Variants in PLEC observed in about 807,000 individuals in gnomAD.
PLEC encodes hemidesmosomal protein 1.
PLEC carries 216 observed loss-of-function variants against 392.8 expected under a neutral mutation model. The observed-to-expected ratio is 0.55, with a 90% CI of 0.49 to 0.62. The LOEUF (loss-of-function observed/expected upper bound fraction) is 0.62. Ranked by LOEUF, PLEC falls within the 20% of genes least tolerant of loss-of-function variation. PLEC has a pLI of 0.00. For synonymous variants in PLEC, 3,621 were observed against 2,980.6 expected (o/e 1.21, Z -7.00); for missense variants, 6,863 against 6,563.4 (o/e 1.05, Z -1.58).
Position 143,924,304 on chromosome 8 carries a change from G to A in PLEC, c.5625C>T (p.Phe1875=), listed in dbSNP as rs541366603. 5 of 1,595,020 alleles carry A rather than the reference G, an allele frequency of 3.1e-6. No homozygotes were observed. In the African/African-American group the frequency reaches 4.0e-5, roughly 13 times the overall value. Residue 1875 remains phenylalanine, a synonymous_variant, in exon 31 of 32, where the codon TTC becomes TTT. Transcript: ENST00000345136. ...RLRRLAEDEA[F]QRRRLEEQAA... ...CCTGCTCCTCCAGCCGCCGCCGCTG[G>A]AAGGCCTCGTCCTCCGCCAGCCGCC...
chr8:143,954,521 G>A (rs553676004), upstream of PLEC, among the ~76,000 whole-genome samples: 37 of 152,218 alleles, frequency 2.4e-4, 1 homozygote, highest in African/African-American at 8.4e-4. This position sits in a 1 kb window ranked among gnomAD's most constrained non-coding sequence, Gnocchi z 4.6. Context: ...CTCCACTGCC[G>A]CCAGATGACA....
At chr8:143,959,162 G>C (rs1188199789) in intron 1 of PLEC, among the ~76,000 whole-genome samples, 1 of 152,208 alleles carries the variant, frequency 6.6e-6, no homozygotes, top group African/African-American at 2.4e-5. Context: ...GCAGCTCTCG[G>C]TCCAGCGCCA....
At position 143,934,426 on chromosome 8, in the gene PLEC, T is replaced by G; in HGVS notation, c.1061A>C (p.Gln354Pro). 1.2e-6 allele frequency: 2 copies of G among 1,611,504 alleles called. No homozygotes were observed. Among genetic ancestry groups the G allele is most frequent in the Non-Finnish European group, 1.7e-6 (2 of 1,179,524 alleles). The stretch of plus-strand genomic sequence containing the variant: ...GTGGTAGCCAGGGGGCACCTTGAGC[T>G]GGCCTGCTTGCACCGCTCCCTGTAG... ...QSLEGAVQAG[Q>P]LKVPPGYHPL... Residue 354 changes from glutamine (Q) to proline (P), a missense_variant, in exon 11 of 32, where the codon CAG becomes CCG. Gln to Pro is a moderately conservative substitution (Grantham distance 76). Transcript: ENST00000345136.
rs781911470 is a variant in PLEC at position 143,930,224 on chromosome 8, G to A, written c.2532C>T (p.Ser844=). The part of the protein sequence containing the change: ...AQPSHWKVLS[S]SGSEAAVPSV... ...AGGGCACGGCGGCCTCGCTGCCGGA[G>A]CTGCTGAGCACCTTCCAGTGGGACG... Residue 844 remains serine, a synonymous_variant, in exon 21 of 32, where the codon AGC becomes AGT. Coordinates refer to ENST00000345136, the MANE Select transcript of PLEC (RefSeq NM_201384.3). 5 of 1,590,708 alleles carry A rather than the reference G, an allele frequency of 3.1e-6. No individual in the cohort carries two copies. Among genetic ancestry groups the A allele is most frequent in the Non-Finnish European group, 4.3e-6 (5 of 1,174,196 alleles).
chr8:143,932,057 G>A, intron 17 of PLEC, 25 bp from the exon 18 acceptor site: 1 of 1,558,686 alleles, frequency 6.4e-7, no homozygotes, highest in East Asian at 2.4e-5. Context: ...GTCCCGGTCA[G>A]GCCCCGCCCC....
At position 143,927,296 on chromosome 8, in the gene PLEC, C is replaced by T. The variant is rs377647607; in HGVS notation, c.3796G>A (p.Glu1266Lys). 25 of 1,613,324 alleles carry T rather than the reference C, an allele frequency of 1.5e-5. No individual in the cohort carries two copies. The highest frequency in any genetic ancestry group is 1.1e-4 in the East Asian group (5 of 44,880). ...EEIERHGEKVEECQRFAKQYI... is the reference protein window; with the variant it reads ...EEIERHGEKVKECQRFAKQYI... ...TGTTTCGCAAACCTCTGGCACTCCT[C>T]GACCTTCTCGCCGTGGCGCTCGATC... Residue 1266 changes from glutamate to lysine, a missense_variant, in exon 28 of 32, where the codon GAG (glutamate) becomes AAG (lysine). Transcript: ENST00000345136.
rs376796173 is a variant in PLEC, at chr8:143,921,410, C to T, written c.8411G>A (p.Arg2804His). 4.2e-5 allele frequency: 68 copies of T among 1,613,204 alleles called. No individual in the cohort carries two copies. The African/African-American group carries it at 6.9e-4, about 16-fold the overall frequency. The change falls in exon 32 of 32, where the codon CGC becomes CAC. Residue 2804 changes from arginine (R) to histidine (H), a missense_variant. By Grantham distance (29) the Arg-to-His change is conservative. Transcript: ENST00000345136. ...CGTGGCGATCTGGGCCTCCAGCAGG[C>T]GGATGCCGTGCTCCCGGACGATGAG... ...KGLIVREHGI[R>H]LLEAQIATGG...
Position 143,937,183 on chromosome 8 carries a change from G to A in PLEC, c.324C>T (p.Asp108=). 2 of 1,612,652 alleles carry A rather than the reference G, an allele frequency of 1.2e-6. No individual in the cohort carries two copies. The highest frequency in any genetic ancestry group is 1.7e-6 in the Non-Finnish European group (2 of 1,179,684). ...HKLQNVQIAL[D]YLRHRQVKLV... ...GCCTTACCTGGCGGTGCCGGAGGTAGTCCAGGGCAATCTGGACATTCTGCA... is the reference window on the plus strand; with the variant it reads ...GCCTTACCTGGCGGTGCCGGAGGTAATCCAGGGCAATCTGGACATTCTGCA... The change falls in exon 4 of 32, where the codon GAC becomes GAT. Residue 108 remains aspartate, a synonymous_variant. Coordinates refer to ENST00000345136, the MANE Select transcript of PLEC (RefSeq NM_201384.3).
Position 143,932,783 on chromosome 8 carries a change from C to T in PLEC, c.1737+10G>A, listed in dbSNP as rs782313125. ...CACCCCCGCACTGCCCATCGCTCAG[C>T]GCCACCCACCTCGTCACTCCGTGCC... is the stretch of plus-strand genomic sequence containing the variant. On this transcript the variant is annotated intron_variant, in intron 14 of 31. Coordinates refer to ENST00000345136, the MANE Select transcript of PLEC (RefSeq NM_201384.3). 1.7e-5 allele frequency: 28 copies of T among 1,611,602 alleles called. No individual in the cohort carries two copies. Among genetic ancestry groups the T allele is most frequent in the African/African-American group, 2.7e-5 (2 of 74,884 alleles).
In PLEC at chr8:143,930,482, G is replaced by C; in HGVS notation, c.2359C>G (p.Arg787Gly). The C allele has an allele frequency of 2.5e-6, 4 of 1,593,528 alleles. No homozygotes were observed. Among genetic ancestry groups the C allele is most frequent in the Non-Finnish European group, 2.6e-6 (3 of 1,170,614 alleles). ...YKGHLSGLAK[R>G]AKAVVQLKPR... ...TTCAGCTGCACGACGGCCTTGGCCC[G>C]CTTGGCCAGGCCTGAGAGGTGGCCC... The change falls in exon 20 of 32, where the codon CGG becomes GGG. Residue 787 changes from arginine (R) to glycine (G), a missense_variant. Transcript: ENST00000345136.
chr8:143,962,011 T>C (rs782704865), intron 1 of PLEC, among the ~76,000 whole-genome samples: 5 of 152,170 alleles, frequency 3.3e-5, no homozygotes, highest in Non-Finnish European at 5.9e-5. Context: ...ACAATGACTA[T>C]GGAACAAAAA....
At chr8:143,932,263 C>A (rs200868315) in intron 16 of PLEC, 29 bp from the exon 17 acceptor site, 14 of 1,609,948 alleles carry the variant, frequency 8.7e-6, no homozygotes, top group Admixed American at 1.7e-5. Context: ...GTCTCAGGGA[C>A]GGCCGGCCAC....
rs370942881 is a variant in PLEC at position 143,923,505 on chromosome 8, C to T, written c.6424G>A (p.Ala2142Thr). 1.4e-4 allele frequency: 227 copies of T among 1,598,078 alleles called. 1 individual carries two copies. In the East Asian group the frequency reaches 4.0e-3, roughly 28 times the overall value. Residue 2142 changes from alanine (A) to threonine (T), a missense_variant, in exon 31 of 32, where the codon GCC becomes ACC. By Grantham distance (58) the Ala-to-Thr change is moderately conservative. Coordinates refer to ENST00000345136, the MANE Select transcript of PLEC (RefSeq NM_201384.3). ...GCCCGCCGCGCCGCCTCTTGCTCGG[C>T]CTCCTTGCGCAGCTTCTCTGCAGCC... ...QAAAEKLRKE[A>T]EQEAARRAQA...
chr8:143,947,542 C>T (rs1831641347), intron 1 of PLEC, among the ~76,000 whole-genome samples: 2 of 151,904 alleles, frequency 1.3e-5, no homozygotes, highest in East Asian at 1.9e-4. Context: ...GTCAGGACTT[C>T]AAGACCAGCC....
In PLEC at chr8:143,936,092, G is replaced by A. The variant is rs1828980357; in HGVS notation, c.436-78C>T. Reference sequence around the variant, plus strand: ...CTGTGCCCACAGCCACATGCACAGGGGCAGGGGTAGCTCAGCACCCAGGGG... The same window carrying A: ...CTGTGCCCACAGCCACATGCACAGGAGCAGGGGTAGCTCAGCACCCAGGGG... On this transcript the variant is annotated intron_variant, in intron 5 of 31. Transcript: ENST00000345136. 35 of 1,535,306 alleles carry A rather than the reference G, an allele frequency of 2.3e-5. 1 individual carries two copies. The South Asian group carries it at 3.4e-4, about 15-fold the overall frequency.
upstream of PLEC, chr8:143,942,442 C>T (rs781875290): frequency 3.1e-5 from 49 of 1,603,276 alleles, no homozygotes; most frequent in Admixed American, 7.5e-4. Flanking sequence ...CGGCTCGCAG[C>T]CCCCGTCCAG....
In PLEC at chr8:143,920,052, T is replaced by A. The variant is rs1554680354; in HGVS notation, c.9769A>T (p.Ile3257Phe). Reference protein sequence around the residue: ...KGRTVTVWELISSEYFTAEQR... With the variant: ...KGRTVTVWELFSSEYFTAEQR... ...TCCGCAGTGAAGTACTCAGAGCTGA[T>A]GAGCTCCCACACCGTCACCGTCCTG... Residue 3257 changes from isoleucine to phenylalanine, a missense_variant, in exon 32 of 32, where the codon ATC becomes TTC. Coordinates refer to ENST00000345136, the MANE Select transcript of PLEC (RefSeq NM_201384.3). 1 of 1,613,154 alleles carries A rather than the reference T, an allele frequency of 6.2e-7. No individual in the cohort carries two copies. Among genetic ancestry groups the A allele is most frequent in the East Asian group, 2.2e-5 (1 of 44,892 alleles).
chr8:143,925,285 C>T lies in PLEC; in HGVS notation c.4644G>A (p.Ala1548=), dbSNP rs62642470. ...CCTCGGCCTGCCGCAGGCGCCGCTC[C>T]GCCTCCTCCGCCTGCAGCCGCAGCT... ...LEELRLQAEE[A]ERRLRQAEVE... The change falls in exon 31 of 32, where the codon GCG becomes GCA. Residue 1548 remains alanine, a synonymous_variant. Transcript: ENST00000345136. 19,493 of 1,576,338 alleles carry T rather than the reference C, an allele frequency of 0.012. 1,690 individuals carry two copies. In the African/African-American group the frequency reaches 0.21, roughly 17 times the overall value.
chr8:143,932,301 C>G, intron 16 of PLEC, 67 bp from the exon 17 acceptor site: 1 of 1,608,218 alleles, frequency 6.2e-7, no homozygotes, highest in South Asian at 1.1e-5. Flanking sequence ...TCCCAGCAAA[C>G]TCGACCCAGG....
Sources: gnomAD v4.1 joint callset for allele counts (sites outside exome capture counted in the v4.1 genomes callset) on GRCh38, gnomAD v4.1.1 for gene constraint, Gnocchi (gnomAD v3.1) non-coding constraint, MANE v1.5 for transcripts, NCBI Gene and HGNC (gene_info 2026-07-23, HGNC 2026-07-21) for gene names.